The following KCNN2 variants were observed in gnomAD, a reference collection of about 807,000 sequenced individuals.
KCNN2 encodes the protein small conductance calcium-activated potassium channel protein 2.
In KCNN2, 24 loss-of-function variants were observed where a neutral mutation model predicts 55.5. The ratio of observed to expected loss-of-function variants is 0.43; its 90% confidence interval spans 0.31 to 0.61. KCNN2 has a LOEUF of 0.61. Among genes scored for constraint, KCNN2 ranks in the 20% least tolerant of loss-of-function variants. The pLI, the probability that KCNN2 is intolerant of heterozygous loss-of-function variation, is 0.08. For synonymous variants in KCNN2, 431 were observed against 336.1 expected, an observed-to-expected ratio of 1.28 and a Z score of -3.09; for missense variants, 754 against 853.6, an observed-to-expected ratio of 0.88 and a Z score of 1.45.
At chr5:114,168,562 C>T (rs1049158810) in intron 1 of KCNN2, among the ~76,000 whole-genome samples, 1 of 151,942 alleles carries the variant, frequency 6.6e-6, no homozygotes, top group Non-Finnish European at 1.5e-5. Flanking sequence ...TTGTTGAGAA[C>T]AAGCTAAAAA....
intron 2 of KCNN2, among the ~76,000 whole-genome samples, chr5:114,292,095 T>C (rs1350739317): frequency 2.0e-5 from 3 of 152,222 alleles, no homozygotes; most frequent in African/African-American, 7.2e-5. Context: ...ATATTAGCCC[T>C]TTGTCAGATG....
At chr5:114,421,669 G>A (rs964279059) in intron 3 of KCNN2, among the ~76,000 whole-genome samples, 1 of 151,892 alleles carries the variant, frequency 6.6e-6, no homozygotes, top group Non-Finnish European at 1.5e-5. Context: ...GAGTGCAATG[G>A]CATGTTCTCG....
At chr5:114,363,426 A>C (rs1372791176) in intron 1 of KCNN2, among the ~76,000 whole-genome samples, 165 bp downstream of exon 1, 1 of 152,200 alleles carries the variant, frequency 6.6e-6, no homozygotes, top group Non-Finnish European at 1.5e-5. Context: ...TAGTCAGCTA[A>C]ACAACTCGGA....
Position 114,315,908 on chromosome 5 carries a change from A to T in KCNN2, c.-184-45037A>T, listed in dbSNP as rs145287521. Among the ~76,000 whole-genome samples the T allele has an allele frequency of 8.5e-5, 13 of 152,256 alleles. No individual in the cohort carries two copies. The East Asian group carries it at 2.5e-3, about 29-fold the overall frequency. ...GCAGAGTTACCTAAGATATGCTGAG[A>T]TATAGAGTAGGGAAGCTGTTAGGAA... On this transcript the variant is annotated intron_variant, in intron 2 of 10. Coordinates refer to the KCNN2 transcript ENST00000512097.
intron 2 of KCNN2, among the ~76,000 whole-genome samples, chr5:114,238,392 G>A (rs769154876): frequency 2.6e-5 from 4 of 152,008 alleles, no homozygotes; most frequent in Non-Finnish European, 5.9e-5. Flanking sequence ...TTGGGAGGCC[G>A]AGGCGGGTGG....
chr5:114,271,788 T>C (rs992782257), intron 2 of KCNN2, among the ~76,000 whole-genome samples: 3 of 152,208 alleles, frequency 2.0e-5, no homozygotes, highest in African/African-American at 7.2e-5. Flanking sequence ...AGCTTGGGCT[T>C]CTGAATCTGG....
At chr5:114,472,496 A>G (rs1761791088) in intron 4 of KCNN2, among the ~76,000 whole-genome samples, 1 of 152,162 alleles carries the variant, frequency 6.6e-6, no homozygotes, top group Non-Finnish European at 1.5e-5. Flanking sequence ...TCTGTTGCCC[A>G]GGTTAAGATC....
intron 1 of KCNN2, 106 bp downstream of exon 1, chr5:114,363,367 G>A: frequency 2.2e-6 from 3 of 1,342,980 alleles, no homozygotes; most frequent in Non-Finnish European, 3.0e-6. Flanking sequence ...TCTCCGGGAC[G>A]ATCAAGGGAG....
intron 1 of KCNN2, among the ~76,000 whole-genome samples, chr5:114,183,283 C>A (rs553576365): frequency 1.3e-4 from 20 of 152,026 alleles, no homozygotes; most frequent in Non-Finnish European, 2.7e-4. Flanking sequence ...CTTTTTCTTC[C>A]TAAGTTCATG....
chr5:114,376,234 T>C (rs1180651539), intron 2 of KCNN2, among the ~76,000 whole-genome samples: 3 of 152,072 alleles, frequency 2.0e-5, no homozygotes, highest in African/African-American at 7.2e-5. Flanking sequence ...ATGTGTCTTA[T>C]ACAAGTAGCC....
chr5:114,121,276 C>A (rs1012484678), intron 1 of KCNN2, among the ~76,000 whole-genome samples: 5 of 152,150 alleles, frequency 3.3e-5, no homozygotes, highest in African/African-American at 1.2e-4. Flanking sequence ...CAAAGGGTAT[C>A]TTGGTAAGTT....
At chr5:114,316,519 G>A (rs1433912109) in intron 2 of KCNN2, among the ~76,000 whole-genome samples, 2 of 152,140 alleles carry the variant, frequency 1.3e-5, no homozygotes, top group Non-Finnish European at 2.9e-5. Context: ...AAGCAGACCC[G>A]CAGATACACA....
At chr5:114,492,834 A>G (rs1324912445) in intron 6 of KCNN2, among the ~76,000 whole-genome samples, 1 of 152,154 alleles carries the variant, frequency 6.6e-6, no homozygotes, top group Admixed American at 6.6e-5. Context: ...TACAATGAAG[A>G]ATAAGATAAT....
At chr5:114,080,416 C>T (rs531990306) in intron 1 of KCNN2, among the ~76,000 whole-genome samples, 50 of 152,166 alleles carry the variant, frequency 3.3e-4, no homozygotes, top group African/African-American at 1.1e-3. Context: ...TGAAGCCTTC[C>T]GGGCCTGGAG....
At chr5:114,177,816 C>T (rs1375811249) in intron 1 of KCNN2, among the ~76,000 whole-genome samples, 1 of 151,968 alleles carries the variant, frequency 6.6e-6, no homozygotes, top group Non-Finnish European at 1.5e-5. Context: ...ATTATCTTCT[C>T]AGTTAAGGAA....
chr5:114,176,669 T>C (rs1056325551), intron 1 of KCNN2, among the ~76,000 whole-genome samples: 2 of 152,174 alleles, frequency 1.3e-5, no homozygotes, highest in African/African-American at 4.8e-5. Flanking sequence ...GTCAAAGGTG[T>C]TCTTCTACAC....
intron 2 of KCNN2, among the ~76,000 whole-genome samples, chr5:114,323,903 T>C (rs1178478663): frequency 6.6e-6 from 1 of 151,980 alleles, no homozygotes; most frequent in East Asian, 1.9e-4. Context: ...CGCCTTGGCC[T>C]CCCAAAGTGC....
In KCNN2 at chr5:114,171,860, C is replaced by T. The variant is rs1015035618; in HGVS notation, c.-270-49620C>T. ...GCTTTACCATGTCTTTGTGACTTTG[C>T]ACTCATGTAGCCTGAAAGTGAACTA... On this transcript the variant is annotated intron_variant, in intron 1 of 10. Transcript: ENST00000512097. 2.6e-5 allele frequency among the ~76,000 whole-genome samples: 4 copies of T among 151,752 alleles called. No individual in the cohort carries two copies. The East Asian group carries it at 7.7e-4, about 29-fold the overall frequency.
At chr5:114,469,159 TTGTC>T (rs1428965041) in intron 4 of KCNN2, among the ~76,000 whole-genome samples, 1 of 152,142 alleles carries the variant, frequency 6.6e-6, no homozygotes, top group African/African-American at 2.4e-5. Flanking sequence ...TAATTGTCAT[TTGTC>T]TGTTCAGTTT....
Sources: gnomAD v4.1 joint callset for allele counts (sites outside exome capture counted in the v4.1 genomes callset) on GRCh38, gnomAD v4.1.1 for gene constraint, MANE v1.5 for transcripts, NCBI Gene and HGNC (gene_info 2026-07-23, HGNC 2026-07-21) for gene names.